CNTN1: variants seen among roughly 807,000 people sequenced by gnomAD.
The protein encoded by CNTN1 is contactin 1, also known as contactin-1.
In CNTN1, 38 loss-of-function variants were observed where a neutral mutation model predicts 126.4. The ratio of observed to expected loss-of-function variants is 0.30; its 90% confidence interval spans 0.23 to 0.39. CNTN1 has a LOEUF of 0.39. Ranked by LOEUF, CNTN1 falls within the 10% of genes least tolerant of loss-of-function variation. CNTN1 has a pLI of 1.00. For missense variants in CNTN1, 1,009 were observed against 1,248.4 expected, an observed-to-expected ratio of 0.81 and a Z score of 2.89; for synonymous variants, 413 against 422.6, an observed-to-expected ratio of 0.98 and a Z score of 0.28.
chr12:40,978,168 C>T (rs891579754), intron 15 of CNTN1, among the ~76,000 whole-genome samples: 2 of 151,986 alleles, frequency 1.3e-5, no homozygotes, highest in Non-Finnish European at 2.9e-5. Flanking sequence ...AGGAACTTAA[C>T]GATTTTAAGA....
chr12:40,930,502 G>T (rs1379624504), intron 7 of CNTN1, among the ~76,000 whole-genome samples: 2 of 151,880 alleles, frequency 1.3e-5, no homozygotes, highest in Non-Finnish European at 2.9e-5. Context: ...TCAGCATGAG[G>T]TGCTACCCTG....
chr12:40,815,751 G>C (rs1941235082), intron 1 of CNTN1, among the ~76,000 whole-genome samples: 1 of 152,114 alleles, frequency 6.6e-6, no homozygotes, highest in East Asian at 1.9e-4. Flanking sequence ...AATGCTTCCA[G>C]CTTTTGTCCA....
At position 40,822,148 on chromosome 12, in the gene CNTN1, C is replaced by CTTTTTTTTTTTTTTTTTTTT. The variant is rs777953120; in HGVS notation, c.-76-86204_-76-86185dup. 6.2e-3 allele frequency among the ~76,000 whole-genome samples: 293 copies of CTTTTTTTTTTTTTTTTTTTT among 47,262 alleles called. 31 individuals carry two copies. Among genetic ancestry groups the CTTTTTTTTTTTTTTTTTTTT allele is most frequent in the East Asian group, 0.026 (28 of 1,068 alleles). The allele number at this position is 47,262 out of a possible 152,430, so 31.0% of individuals were successfully genotyped here. A position where few individuals can be genotyped will look rare whatever the true frequency, so the allele number is the denominator to read the frequency against. ...TTTCCAGTCTAGACAAAATATAAATCTTTTTTTTTTTTTTTTTTTTTTTTG... is the reference window on the plus strand; with the variant it reads ...TTTCCAGTCTAGACAAAATATAAATCTTTTTTTTTTTTTTTTTTTTTTTTTTTTTTTTTTTTTTTTTTTTG... On this transcript the variant is annotated intron_variant, in intron 1 of 23. Transcript: ENST00000551295.
chr12:41,022,954 G>A (rs995146030), intron 20 of CNTN1, among the ~76,000 whole-genome samples: 2 of 151,898 alleles, frequency 1.3e-5, no homozygotes, highest in Non-Finnish European at 1.5e-5. Flanking sequence ...AGACAAGCAC[G>A]AACACTTAAA....
At chr12:40,746,069 T>G (rs567522197) in intron 1 of CNTN1, among the ~76,000 whole-genome samples, 18 of 152,278 alleles carry the variant, frequency 1.2e-4, no homozygotes, top group African/African-American at 3.8e-4. Context: ...TAAAACATAT[T>G]CAACTTTCCA....
chr12:41,017,480 T>C (rs1190451903), intron 19 of CNTN1, among the ~76,000 whole-genome samples: 1 of 151,590 alleles, frequency 6.6e-6, no homozygotes, highest in Non-Finnish European at 1.5e-5. Context: ...AATTGCAGCA[T>C]TTACGTAACT....
chr12:40,778,599 T>A (rs1234460161), intron 1 of CNTN1, among the ~76,000 whole-genome samples: 1 of 151,858 alleles, frequency 6.6e-6, no homozygotes, highest in African/African-American at 2.4e-5. Flanking sequence ...TCAAAGTATC[T>A]TTTATGAATG....
chr12:40,904,239 C>T (rs1592232118), intron 1 of CNTN1, among the ~76,000 whole-genome samples: 1 of 152,028 alleles, frequency 6.6e-6, no homozygotes, highest in Non-Finnish European at 1.5e-5. Flanking sequence ...AGGATGGTCT[C>T]AATCTCCTGA....
chr12:40,926,968 G>A (rs1183715810), intron 6 of CNTN1, among the ~76,000 whole-genome samples: 4 of 152,084 alleles, frequency 2.6e-5, no homozygotes, highest in Non-Finnish European at 4.4e-5. Context: ...CATGTTAAAT[G>A]TGAAGCATCT....
chr12:40,822,947 A>T lies in CNTN1; in HGVS notation c.-76-85410A>T, dbSNP rs536796373. Among the ~76,000 whole-genome samples, 134 of 152,206 alleles carry T rather than the reference A, an allele frequency of 8.8e-4. 1 individual carries two copies. Among genetic ancestry groups the T allele is most frequent in the Middle Eastern group, 6.8e-3 (2 of 294 alleles). ...TCTGGTGTTTGTTGTTACCATCTTT[A>T]TGTCCACGTGTACCCAATGTTTAGC... On this transcript the variant is annotated intron_variant, in intron 1 of 23. Coordinates refer to ENST00000551295, the MANE Select transcript of CNTN1 (RefSeq NM_001843.4).
intron 23 of CNTN1, among the ~76,000 whole-genome samples, chr12:41,044,617 T>TG (rs1226814836): frequency 1.3e-5 from 2 of 152,122 alleles, no homozygotes; most frequent in Non-Finnish European, 2.9e-5. Context: ...AAATTTAGAA[T>TG]GTTATACTGG....
intron 1 of CNTN1, among the ~76,000 whole-genome samples, chr12:40,868,528 A>T (rs1943377543): frequency 6.6e-6 from 1 of 152,068 alleles, no homozygotes; most frequent in Non-Finnish European, 1.5e-5. Flanking sequence ...CTGAAAACTG[A>T]CCTCAGCAGT....
intron 1 of CNTN1, among the ~76,000 whole-genome samples, chr12:40,838,292 G>A (rs7307211): frequency 0.099 from 14,908 of 150,590 alleles, 861 homozygotes; most frequent in Non-Finnish European, 0.13. Flanking sequence ...AAATGGGCCC[G>A]CCTAGCCCAT....
intron 1 of CNTN1, among the ~76,000 whole-genome samples, chr12:40,835,669 T>C (rs139156833): frequency 9.2e-5 from 14 of 152,288 alleles, no homozygotes; most frequent in Admixed American, 2.0e-4. Flanking sequence ...ATCATTTATC[T>C]CAAGGGTTGT....
chr12:40,878,296 A>G (rs1943747359), intron 1 of CNTN1, among the ~76,000 whole-genome samples: 1 of 148,338 alleles, frequency 6.7e-6, no homozygotes, highest in African/African-American at 2.4e-5. Flanking sequence ...GCACCCAGCC[A>G]AGAAACAATT....
intron 15 of CNTN1, among the ~76,000 whole-genome samples, chr12:40,976,843 C>T (rs1468673859): frequency 6.6e-6 from 1 of 152,150 alleles, no homozygotes; most frequent in African/African-American, 2.4e-5. Context: ...TTTTTTGCCA[C>T]AAACTGATTC....
intron 1 of CNTN1, among the ~76,000 whole-genome samples, chr12:40,823,498 A>T (rs999021639): frequency 4.6e-5 from 7 of 152,220 alleles, no homozygotes; most frequent in Admixed American, 1.3e-4. Flanking sequence ...AAATCAGTTT[A>T]GTAAAGTACT....
At chr12:40,959,291 A>G in intron 15 of CNTN1, 57 bp downstream of exon 15, 2 of 1,584,116 alleles carry the variant, frequency 1.3e-6, no homozygotes, top group Non-Finnish European at 1.7e-6. Flanking sequence ...TTGCATAAAC[A>G]TGTATAATCT....
At position 41,013,643 on chromosome 12, in the gene CNTN1, T is replaced by C. The variant is rs910614779; in HGVS notation, c.2114-585T>C. On this transcript the variant is annotated intron_variant, in intron 17 of 23. Transcript: ENST00000551295. ...CAGTATGACAGAAAGATTTTTAAGA[T>C]CAGAGACTACAAAGGGTCTTTCTAG... is the stretch of plus-strand genomic sequence containing the variant. Among the ~76,000 whole-genome samples the C allele has an allele frequency of 6.6e-5, 10 of 152,068 alleles. No homozygotes were observed. In the East Asian group the frequency reaches 1.9e-3, roughly 29 times the overall value.
Sources: gnomAD v4.1 joint callset for allele counts (sites outside exome capture counted in the v4.1 genomes callset) on GRCh38, gnomAD v4.1.1 for gene constraint, MANE v1.5 for transcripts, NCBI Gene and HGNC (gene_info 2026-07-23, HGNC 2026-07-21) for gene names.